The following CCDC171 variants were observed in gnomAD, a reference collection of about 807,000 sequenced individuals.
CCDC171 encodes coiled-coil domain-containing protein 171.
A neutral mutation model predicts 168.2 loss-of-function variants in CCDC171; 177 were observed. The ratio of observed to expected loss-of-function variants is 1.05; its 90% CI spans 0.93 to 1.19. The LOEUF (loss-of-function observed/expected upper bound fraction) is 1.19, where lower values mean the gene tolerates loss of function less well. Ranked by LOEUF, CCDC171 falls within the 50% of genes most tolerant of loss-of-function variation. The pLI, the probability that CCDC171 is intolerant of heterozygous loss-of-function variation, is 0.00. For synonymous variants in CCDC171, 687 were observed against 540.8 expected (o/e 1.27, Z -3.75); for missense variants, 1,991 against 1,539.0 (o/e 1.29, Z -4.91).
chr9:15,592,505 C>T (rs907812993), intron 5 of CCDC171, among the ~76,000 whole-genome samples: 4 of 152,128 alleles, frequency 2.6e-5, no homozygotes, highest in Non-Finnish European at 4.4e-5. Context: ...CACAGTCATT[C>T]CCAGATGTTG....
chr9:15,955,266 G>A (rs148271523), intron 25 of CCDC171, among the ~76,000 whole-genome samples: 58 of 152,138 alleles, frequency 3.8e-4, no homozygotes, highest in African/African-American at 1.3e-3. Flanking sequence ...CTTAATGTCT[G>A]GTCCCAAAGG....
intron 24 of CCDC171, among the ~76,000 whole-genome samples, chr9:15,898,229 A>G (rs1020854372): frequency 6.6e-6 from 1 of 152,148 alleles, no homozygotes; most frequent in Non-Finnish European, 1.5e-5. Context: ...GGCTTTATTT[A>G]CTTCCATACA....
intron 24 of CCDC171, among the ~76,000 whole-genome samples, chr9:15,902,259 T>TATGTATATATATATATATATATAC (rs1821786873): frequency 7.0e-6 from 1 of 143,282 alleles, no homozygotes; most frequent in Non-Finnish European, 1.5e-5. Context: ...TATATATATA[T>TATGTATATATATATATATATATAC]ATGTATATAT....
chr9:15,770,575 TG>T (rs1564375052), intron 18 of CCDC171, among the ~76,000 whole-genome samples: 2 of 152,174 alleles, frequency 1.3e-5, no homozygotes, highest in Non-Finnish European at 2.9e-5. Flanking sequence ...TATTCTTATT[TG>T]GGGGCATTTG....
At chr9:15,604,639 A>C (rs1334351745) in intron 6 of CCDC171, among the ~76,000 whole-genome samples, 1 of 152,096 alleles carries the variant, frequency 6.6e-6, no homozygotes, top group African/African-American at 2.4e-5. Context: ...CTATAGAAAG[A>C]GGAGGAAGAG....
At chr9:15,614,038 T>C (rs2131897035) in intron 6 of CCDC171, among the ~76,000 whole-genome samples, 1 of 152,320 alleles carries the variant, frequency 6.6e-6, no homozygotes, top group Middle Eastern at 3.4e-3. Context: ...GAGTGGTTCT[T>C]TCTTTATGTT....
chr9:15,668,761 ACTT>A (rs1014754205), intron 9 of CCDC171, among the ~76,000 whole-genome samples: 2 of 152,020 alleles, frequency 1.3e-5, no homozygotes, highest in African/African-American at 4.8e-5. Flanking sequence ...TTCTGCCTGT[ACTT>A]CTGACCATAC....
chr9:16,051,306 C>T (rs1185864708), intron 1 of CCDC171, among the ~76,000 whole-genome samples: 1 of 152,118 alleles, frequency 6.6e-6, no homozygotes, highest in Non-Finnish European at 1.5e-5. Flanking sequence ...TTTCCTTATC[C>T]AAAACAGTGT....
At chr9:15,856,963 C>T (rs1027250219) in intron 23 of CCDC171, among the ~76,000 whole-genome samples, 3 of 151,938 alleles carry the variant, frequency 2.0e-5, no homozygotes, top group African/African-American at 7.3e-5. Flanking sequence ...ATGATAGTGA[C>T]ATTGAGGATG....
intron 6 of CCDC171, among the ~76,000 whole-genome samples, chr9:15,600,122 G>A (rs988599972): frequency 1.3e-5 from 2 of 152,172 alleles, no homozygotes; most frequent in Admixed American, 6.5e-5. Flanking sequence ...ATTGTCTGAA[G>A]CCTTCTTCTC....
intron 11 of CCDC171, among the ~76,000 whole-genome samples, chr9:15,708,392 C>A (rs1029100962): frequency 6.6e-6 from 1 of 152,158 alleles, no homozygotes; most frequent in African/African-American, 2.4e-5. Context: ...CAATCAGCTT[C>A]CCTTTGACTT....
chr9:15,862,960 G>A (rs2061621927), intron 23 of CCDC171, among the ~76,000 whole-genome samples: 3 of 151,842 alleles, frequency 2.0e-5, no homozygotes, highest in Non-Finnish European at 1.5e-5. Flanking sequence ...TGAGAGCTGG[G>A]CATTTTTTTT....
intron 21 of CCDC171, among the ~76,000 whole-genome samples, chr9:15,794,999 A>T (rs372371704): frequency 6.6e-6 from 1 of 152,184 alleles, no homozygotes; most frequent in Non-Finnish European, 1.5e-5. Flanking sequence ...CCCACTCCAA[A>T]CACAGAGAGT....
At chr9:16,086,597 C>T in the CCDC171 span, among the ~76,000 whole-genome samples, 1 of 152,090 alleles carries the variant, frequency 6.6e-6, no homozygotes, top group South Asian at 2.1e-4. Flanking sequence ...TTTGATTCTT[C>T]TCTCTTTTCT....
intron 25 of CCDC171, among the ~76,000 whole-genome samples, chr9:15,945,315 T>C (rs1284455483): frequency 1.4e-5 from 2 of 147,472 alleles, no homozygotes; most frequent in Admixed American, 1.4e-4. Context: ...GTCTTTGCTA[T>C]TGTGAATAAT....
chr9:16,027,588 C>G (rs943284505), intron 6 of CCDC171, among the ~76,000 whole-genome samples: 175 of 152,280 alleles, frequency 1.1e-3, no homozygotes, highest in African/African-American at 3.8e-3. Flanking sequence ...TGTATGAAGT[C>G]AGGTTTGAGT....
intron 6 of CCDC171, among the ~76,000 whole-genome samples, chr9:15,595,491 T>C (rs2042279897): frequency 6.6e-6 from 1 of 152,226 alleles, no homozygotes; most frequent in South Asian, 2.1e-4. Flanking sequence ...TCCTTTTTTA[T>C]GGCTGCATAG....
At chr9:16,062,440 C>T (rs1050489331), downstream of CCDC171, among the ~76,000 whole-genome samples, 1 of 152,144 alleles carries the variant, frequency 6.6e-6, no homozygotes, top group African/African-American at 2.4e-5. Context: ...GAAAAACTAC[C>T]TATCAGGTAC....
chr9:15,710,975 TG>T (rs1389744372), intron 11 of CCDC171, among the ~76,000 whole-genome samples: 9 of 152,242 alleles, frequency 5.9e-5, no homozygotes, highest in Admixed American at 5.9e-4. Context: ...TTTCACAGCC[TG>T]CATTTTTCTG....
Sources: gnomAD v4.1 joint callset for allele counts (sites outside exome capture counted in the v4.1 genomes callset) on GRCh38, gnomAD v4.1.1 for gene constraint, MANE v1.5 for transcripts, NCBI Gene and HGNC (gene_info 2026-07-23, HGNC 2026-07-21) for gene names.